Variants in H3C4 observed in about 807,000 individuals in gnomAD.
H3C4 encodes H3 clustered histone 4, also known as histone H3.1.
A neutral mutation model predicts 8.7 loss-of-function variants in H3C4; 10 were observed. The observed-to-expected ratio is 1.15, with a 90% CI of 0.71 to 1.96. H3C4 has a LOEUF of 1.96. H3C4 is among the 30% of genes most tolerant of loss of function. The pLI, the probability that H3C4 is intolerant of heterozygous loss-of-function variation, is 0.00. For missense variants in H3C4, 216 were observed against 192.9 expected (o/e 1.12, Z -0.71); for synonymous variants, 141 against 80.1 (o/e 1.76, Z -4.06).
At position 26,196,989 on chromosome 6, in the gene H3C4, A is replaced by G; in HGVS notation, c.262T>C (p.Ser88Pro). ...GCCTCCTGCAGCGCCATCACCGCCG[A>G]GCTCTGAAAACGCAGATCAGTCTTG... ...DFKTDLRFQS[S>P]AVMALQEACE... Residue 88 changes from serine (S) to proline (P), a missense_variant, in exon 1 of 1, where the codon TCG becomes CCG. By Grantham distance (74) the Ser-to-Pro change is moderately conservative. Coordinates refer to ENST00000356476, the MANE Select transcript of H3C4 (RefSeq NM_001376937.1). 6.2e-7 allele frequency: 1 copy of G among 1,614,216 alleles called. No homozygotes were observed. The highest frequency in any genetic ancestry group is 8.5e-7 in the Non-Finnish European group (1 of 1,180,044).
At chr6:26,199,036 C>G (rs1391035959), upstream of H3C4, 2 of 1,614,048 alleles carry the variant, frequency 1.2e-6, no homozygotes, top group Admixed American at 3.3e-5. Context: ...TCGCGGGCGG[C>G]GTTGCCCGCC....
chr6:26,197,431 C>G (rs890619554), upstream of H3C4, among the ~76,000 whole-genome samples: 1 of 152,192 alleles, frequency 6.6e-6, no homozygotes, highest in Non-Finnish European at 1.5e-5. Flanking sequence ...TTAAAACTTT[C>G]CTCCGTCCAT....
upstream of H3C4, among the ~76,000 whole-genome samples, chr6:26,198,553 G>A (rs182286636): frequency 7.2e-5 from 11 of 152,196 alleles, no homozygotes; most frequent in East Asian, 2.1e-3. Context: ...AGGCTGTCCT[G>A]GAACTCCTGA....
rs1764982160 is a variant in H3C4, at chr6:26,196,924, G to A, written c.327C>T (p.Asn109=). Residue 109 remains asparagine (N), a synonymous_variant, in exon 1 of 1, where the codon AAC becomes AAT. Transcript: ENST00000356476. The part of the protein sequence containing the change: ...AYLVGLFEDT[N]LCAIHAKRVT... The stretch of plus-strand genomic sequence containing the variant: ...CTCGCTTGGCGTGAATGGCGCATAG[G>A]TTGGTGTCCTCAAACAGCCCCACCA... The A allele has an allele frequency of 2.5e-6, 4 of 1,614,226 alleles. No homozygotes were observed. The highest frequency in any genetic ancestry group is 2.5e-6 in the Non-Finnish European group (3 of 1,180,030).
upstream of H3C4, chr6:26,199,033 C>G (rs1367372191): frequency 5.0e-6 from 8 of 1,614,022 alleles, no homozygotes; most frequent in Admixed American, 1.7e-5. Flanking sequence ...TTGTCGCGGG[C>G]GGCGTTGCCC....
upstream of H3C4, chr6:26,199,138 G>A (rs1485998386): frequency 1.9e-5 from 31 of 1,614,086 alleles, no homozygotes; most frequent in Non-Finnish European, 2.4e-5. Context: ...TTGCCCTTGC[G>A]GAGCAAGCGG....
chr6:26,196,786 G>A lies in H3C4; in HGVS notation c.*54C>T, dbSNP rs1764976361. On this transcript the variant is annotated 3_prime_UTR_variant, in exon 1 of 1. Transcript: ENST00000356476. ...AACAGCAACTTTTATAGAAAAGGTG[G>A]TTGGCTCTGAAAAGAGCCTTTGGGT... is the stretch of plus-strand genomic sequence containing the variant. The A allele has an allele frequency of 6.3e-7, 1 of 1,583,496 alleles. No homozygotes were observed. The highest frequency in any genetic ancestry group is 8.6e-7 in the Non-Finnish European group (1 of 1,157,918).
At position 26,196,786 on chromosome 6, in the gene H3C4, G is replaced by C; in HGVS notation, c.*54C>G. 3 of 1,583,496 alleles carry C rather than the reference G, an allele frequency of 1.9e-6. No homozygotes were observed. Among genetic ancestry groups the C allele is most frequent in the South Asian group, 2.2e-5 (2 of 89,288 alleles). On this transcript the variant is annotated 3_prime_UTR_variant, in exon 1 of 1. Coordinates refer to ENST00000356476, the MANE Select transcript of H3C4 (RefSeq NM_001376937.1). ...AACAGCAACTTTTATAGAAAAGGTG[G>C]TTGGCTCTGAAAAGAGCCTTTGGGT...
At chr6:26,198,147 T>A (rs1765024647), upstream of H3C4, among the ~76,000 whole-genome samples, 1 of 152,166 alleles carries the variant, frequency 6.6e-6, no homozygotes, top group Non-Finnish European at 1.5e-5. Flanking sequence ...AAAACATTTG[T>A]TCTGGTTCTG....
In H3C4 at chr6:26,196,917, C is replaced by A; in HGVS notation, c.334G>T (p.Ala112Ser). ...ATAGTCACTCGCTTGGCGTGAATGG[C>A]GCATAGGTTGGTGTCCTCAAACAGC... Reference protein sequence around the residue: ...VGLFEDTNLCAIHAKRVTIMP... With the variant: ...VGLFEDTNLCSIHAKRVTIMP... The change falls in exon 1 of 1, where the codon GCC (alanine) becomes TCC (serine). Residue 112 changes from alanine (A) to serine (S), a missense_variant. Physicochemically the swap from Ala to Ser is moderately conservative, Grantham distance 99. Transcript: ENST00000356476. 1.2e-6 allele frequency: 2 copies of A among 1,614,270 alleles called. No homozygotes were observed. Among genetic ancestry groups the A allele is most frequent in the African/African-American group, 1.3e-5 (1 of 75,074 alleles).
At chr6:26,198,704 A>T, upstream of H3C4, 1 of 735,810 alleles carries the variant, frequency 1.4e-6, no homozygotes, top group Non-Finnish European at 2.2e-6. Flanking sequence ...AAGAACACCC[A>T]CTTATAAATG....
Position 26,197,178 on chromosome 6 carries a change from C to T in H3C4, c.73G>A (p.Ala25Thr). The change falls in exon 1 of 1, where the codon GCT (alanine) becomes ACT (threonine). Residue 25 changes from alanine (A) to threonine (T), a missense_variant. Transcript: ENST00000356476. ...KAPRKQLATK[A>T]ARKSAPATGG... The stretch of plus-strand genomic sequence containing the variant: ...GTGGCTGGAGCGCTCTTTCGAGCAG[C>T]CTTGGTGGCCAGCTGCTTGCGTGGC... 6.2e-7 allele frequency: 1 copy of T among 1,614,108 alleles called. No individual in the cohort carries two copies. Among genetic ancestry groups the T allele is most frequent in the Non-Finnish European group, 8.5e-7 (1 of 1,179,992 alleles).
At chr6:26,199,215 T>G, upstream of H3C4, 1 of 1,606,874 alleles carries the variant, frequency 6.2e-7, no homozygotes. Context: ...AGCTCGGGCC[T>G]TTCCGCCTTG....
chr6:26,199,263 T>A, upstream of H3C4: 2 of 1,586,508 alleles, frequency 1.3e-6, no homozygotes, highest in Non-Finnish European at 1.7e-6. Context: ...TTAAAAACGA[T>A]GTTAAGCAAT....
At chr6:26,199,248 A>T (rs374780488), upstream of H3C4, 547 of 1,591,816 alleles carry the variant, frequency 3.4e-4, 2 homozygotes, top group African/African-American at 6.8e-3. Context: ...GGACATTTTG[A>T]ATTCTTAAAA....
upstream of H3C4, chr6:26,197,350 C>T (rs1764999386): frequency 7.8e-7 from 1 of 1,283,736 alleles, no homozygotes; most frequent in Middle Eastern, 1.9e-4. Context: ...ACAAGGCAGC[C>T]TTTCCCCTGC....
chr6:26,198,331 T>C (rs1765030063), upstream of H3C4, among the ~76,000 whole-genome samples: 1 of 152,156 alleles, frequency 6.6e-6, no homozygotes, highest in African/African-American at 2.4e-5. Context: ...TAGTTTGCTT[T>C]TTTGGGTTTT....
In H3C4 at chr6:26,196,928, G is replaced by C. The variant is rs755211652; in HGVS notation, c.323C>G (p.Thr108Ser). 1.9e-5 allele frequency: 30 copies of C among 1,614,148 alleles called. No homozygotes were observed. In the South Asian group the frequency reaches 2.1e-4, roughly 11 times the overall value. Reference sequence around the variant, plus strand: ...CTTGGCGTGAATGGCGCATAGGTTGGTGTCCTCAAACAGCCCCACCAGGTA... The same window carrying C: ...CTTGGCGTGAATGGCGCATAGGTTGCTGTCCTCAAACAGCCCCACCAGGTA... Reference protein sequence around the residue: ...EAYLVGLFEDTNLCAIHAKRV... With the variant: ...EAYLVGLFEDSNLCAIHAKRV... Residue 108 changes from threonine to serine, a missense_variant, in exon 1 of 1, where the codon ACC (threonine) becomes AGC (serine). Thr to Ser is a moderately conservative substitution (Grantham distance 58). Coordinates refer to ENST00000356476, the MANE Select transcript of H3C4 (RefSeq NM_001376937.1).
upstream of H3C4, chr6:26,199,077 A>T: frequency 1.2e-6 from 2 of 1,614,058 alleles, no homozygotes; most frequent in Non-Finnish European, 1.7e-6. Flanking sequence ...CAGGTACTCC[A>T]ACACCGCCGC....
Sources: allele counts gnomAD v4.1 joint callset (sites outside exome capture counted in the v4.1 genomes callset), GRCh38; gene constraint gnomAD v4.1.1; transcripts MANE v1.5; gene names NCBI Gene and HGNC (gene_info 2026-07-23, HGNC 2026-07-21).